Variants in GSE1 observed in about 807,000 individuals in gnomAD.
GSE1 encodes the protein Gse1 coiled-coil protein.
GSE1 carries 32 observed loss-of-function variants against 112.6 expected under a neutral mutation model. That is an observed-to-expected ratio of 0.28 (90% CI 0.21 to 0.38). The LOEUF is 0.38. GSE1 is among the 10% of genes least tolerant of loss of function. GSE1 has a pLI of 1.00. For missense variants in GSE1, 2,348 were observed against 1,699.2 expected, an observed-to-expected ratio of 1.38 and a Z score of -6.71; for synonymous variants, 1,115 against 735.6, an observed-to-expected ratio of 1.52 and a Z score of -8.35.
At chr16:85,290,883 G>GC (rs1442335797) in intron 1 of GSE1, among the ~76,000 whole-genome samples, 11 of 152,208 alleles carry the variant, frequency 7.2e-5, no homozygotes, top group Non-Finnish European at 1.2e-4. Context: ...CAGTGTGGGA[G>GC]CCCCACCCAG....
At chr16:85,640,957 C>T (rs1167312380) in intron 2 of GSE1, among the ~76,000 whole-genome samples, 1 of 152,246 alleles carries the variant, frequency 6.6e-6, no homozygotes, top group African/African-American at 2.4e-5. Context: ...GCAAGGCCCA[C>T]GGAGAGGACC....
At chr16:85,592,046 A>AC (rs1415485408) in intron 1 of GSE1, among the ~76,000 whole-genome samples, 2 of 151,948 alleles carry the variant, frequency 1.3e-5, no homozygotes, top group African/African-American at 2.4e-5. Context: ...GGCCAGGGGC[A>AC]CCCCCCGCCC....
chr16:85,227,547 G>T (rs916170373), intron 1 of GSE1, among the ~76,000 whole-genome samples: 2 of 152,228 alleles, frequency 1.3e-5, no homozygotes, highest in Non-Finnish European at 1.5e-5. Context: ...TGAGAGTGTG[G>T]CGAGCATGGG....
intron 1 of GSE1, among the ~76,000 whole-genome samples, chr16:85,619,730 G>GGTGGGGGGACGTTTTCACCCCA (rs1466614622): frequency 3.3e-4 from 51 of 152,298 alleles, no homozygotes; most frequent in African/African-American, 1.1e-3. Context: ...CGTCAGGCGT[G>GGTGGGGGGACGTTTTCACCCCA]GTGGGGGGAC....
intron 2 of GSE1, among the ~76,000 whole-genome samples, chr16:85,642,717 C>T (rs2050542868): frequency 6.6e-6 from 1 of 152,372 alleles, no homozygotes; most frequent in African/African-American, 2.4e-5. Flanking sequence ...TTCTCTCCAC[C>T]GTTCCCCTGA....
intron 2 of GSE1, among the ~76,000 whole-genome samples, chr16:85,387,164 A>G (rs1011914727): frequency 6.6e-6 from 1 of 152,196 alleles, no homozygotes; most frequent in African/African-American, 2.4e-5. Context: ...AGTCCAGCAC[A>G]GGGTGCTGTG....
chr16:85,547,332 G>A (rs1412681937), intron 2 of GSE1, among the ~76,000 whole-genome samples: 1 of 152,180 alleles, frequency 6.6e-6, no homozygotes, highest in Non-Finnish European at 1.5e-5. Flanking sequence ...TGAAATCCAT[G>A]TGTCAGCGGG....
intron 2 of GSE1, among the ~76,000 whole-genome samples, chr16:85,492,237 G>A (rs191229503): frequency 1.3e-5 from 2 of 152,230 alleles, no homozygotes; most frequent in Admixed American, 6.5e-5. Context: ...AGAGGCTGCC[G>A]GAGGCTGCAC....
At chr16:85,528,992 A>G (rs2052459522) in intron 2 of GSE1, among the ~76,000 whole-genome samples, 1 of 152,090 alleles carries the variant, frequency 6.6e-6, no homozygotes. Context: ...ATCAAATGGG[A>G]GCCATGGAGG....
intron 2 of GSE1, among the ~76,000 whole-genome samples, chr16:85,380,421 C>T (rs1458878913): frequency 6.6e-6 from 1 of 152,216 alleles, no homozygotes; most frequent in East Asian, 1.9e-4. Flanking sequence ...CCTTGGCCAA[C>T]CCCACTGTTC....
At chr16:85,228,170 G>T (rs1293948600) in intron 1 of GSE1, among the ~76,000 whole-genome samples, 1 of 152,230 alleles carries the variant, frequency 6.6e-6, no homozygotes, top group South Asian at 2.1e-4. Context: ...GCTGAGTCCC[G>T]GCCCCCGCCG....
chr16:85,553,131 G>GCCGCCCCCCGCC (rs1555531326), upstream of GSE1, among the ~76,000 whole-genome samples: 3 of 151,302 alleles, frequency 2.0e-5, no homozygotes, highest in East Asian at 2.0e-4. Context: ...CCGCGCTCTG[G>GCCGCCCCCCGCC]CCGCCCCCCG....
chr16:85,596,087 T>C (rs984827666), intron 1 of GSE1, among the ~76,000 whole-genome samples: 1 of 151,430 alleles, frequency 6.6e-6, no homozygotes, highest in Non-Finnish European at 1.5e-5. Flanking sequence ...CCTCAACCCA[T>C]GCACTCATCC....
In GSE1 at chr16:85,647,226, C is replaced by T. The variant is rs554608400; in HGVS notation, c.227-1326C>T. On this transcript the variant is annotated intron_variant, in intron 2 of 15. Coordinates refer to ENST00000253458, the MANE Select transcript of GSE1 (RefSeq NM_014615.5). ...TCCTCTTGGCTGTAGCCACCAGTCA[C>T]CCAGGCCCAAAGCCCTCCTGCCTGC... Among the ~76,000 whole-genome samples, 16 of 152,320 alleles carry T rather than the reference C, an allele frequency of 1.1e-4. No individual in the cohort carries two copies. The South Asian group carries it at 3.1e-3, about 30-fold the overall frequency.
intron 2 of GSE1, among the ~76,000 whole-genome samples, chr16:85,485,616 TTAGCACTCGAGAGCCTTCCTCGGATTA>T (rs541030788): frequency 6.6e-6 from 1 of 152,350 alleles, no homozygotes; most frequent in East Asian, 1.9e-4. Flanking sequence ...GCTCGCACCA[TTAGCACTCGAGAGCCTTCCTCGGATTA>T]AAGCCGTGCG....
intron 1 of GSE1, among the ~76,000 whole-genome samples, chr16:85,288,280 C>T (rs899632824): frequency 4.6e-5 from 7 of 152,216 alleles, no homozygotes; most frequent in South Asian, 2.1e-4. Flanking sequence ...TCTCAGCCCC[C>T]CTACGCACTT....
intron 1 of GSE1, among the ~76,000 whole-genome samples, chr16:85,197,771 T>G (rs968310049): frequency 1.8e-4 from 27 of 152,154 alleles, no homozygotes; most frequent in African/African-American, 6.5e-4. Context: ...CCAAGGGACC[T>G]AGAGGGGCAG....
chr16:85,412,506 T>C (rs1293978892), intron 2 of GSE1, among the ~76,000 whole-genome samples: 13 of 16,032 alleles, frequency 8.1e-4, no homozygotes, highest in African/African-American at 1.3e-3. Flanking sequence ...AGGGCCCCCC[T>C]GGATAATCCT....
At chr16:85,355,262 CT>C (rs1197694877) in intron 1 of GSE1, among the ~76,000 whole-genome samples, 5 of 152,112 alleles carry the variant, frequency 3.3e-5, no homozygotes, top group Non-Finnish European at 1.5e-5. Flanking sequence ...CAGAAAGTTG[CT>C]TTTCCACAAC....
Sources: allele counts gnomAD v4.1 joint callset (sites outside exome capture counted in the v4.1 genomes callset), GRCh38; gene constraint gnomAD v4.1.1; transcripts MANE v1.5; gene names NCBI Gene and HGNC (gene_info 2026-07-23, HGNC 2026-07-21).